Variants in CERKL observed in about 807,000 individuals in gnomAD.
The protein encoded by CERKL is ceramide kinase-like protein.
In CERKL, 61 loss-of-function variants were observed where a neutral mutation model predicts 63.4. That is an observed-to-expected ratio of 0.96 (90% CI 0.78 to 1.19). The LOEUF (loss-of-function observed/expected upper bound fraction) is 1.19, where lower values mean the gene tolerates loss of function less well. Ranked by LOEUF, CERKL falls within the 50% of genes most tolerant of loss-of-function variation. CERKL has a pLI of 0.00. For missense variants in CERKL, 675 were observed against 655.5 expected (o/e 1.03, Z -0.33); for synonymous variants, 250 against 230.5 (o/e 1.08, Z -0.77).
intron 1 of CERKL, among the ~76,000 whole-genome samples, chr2:181,642,766 T>C (rs986147946): frequency 6.6e-6 from 1 of 152,232 alleles, no homozygotes; most frequent in Non-Finnish European, 1.5e-5. Flanking sequence ...ACATACTATT[T>C]GAATGCTAAT....
At chr2:181,597,555 A>G (rs1304964042) in intron 2 of CERKL, among the ~76,000 whole-genome samples, 1 of 152,198 alleles carries the variant, frequency 6.6e-6, no homozygotes, top group African/African-American at 2.4e-5. Flanking sequence ...TCTGGCAGAG[A>G]TCAACCCCCA....
chr2:181,622,216 C>T (rs951193499), intron 1 of CERKL, among the ~76,000 whole-genome samples: 8 of 152,166 alleles, frequency 5.3e-5, no homozygotes, highest in African/African-American at 1.9e-4. Context: ...AAACACAAAT[C>T]TACACTAAAG....
chr2:181,572,844 T>C lies in CERKL; in HGVS notation c.613+909A>G, dbSNP rs1242741479. Among the ~76,000 whole-genome samples, 3 of 149,542 alleles carry C rather than the reference T, an allele frequency of 2.0e-5. No individual in the cohort carries two copies. The Admixed American group carries it at 2.0e-4, about 10-fold the overall frequency. On this transcript the variant is annotated intron_variant, in intron 3 of 12. Coordinates refer to ENST00000410087, the MANE Select transcript of CERKL (RefSeq NM_201548.5). Reference sequence around the variant, plus strand: ...TCAGATCACTAGGTGTAGGTTTCAATGATATTATTAACATCTTGAAACTTA... The same window carrying C: ...TCAGATCACTAGGTGTAGGTTTCAACGATATTATTAACATCTTGAAACTTA...
intron 1 of CERKL, among the ~76,000 whole-genome samples, chr2:181,633,053 G>C (rs1687032669): frequency 6.6e-6 from 1 of 152,142 alleles, no homozygotes; most frequent in Non-Finnish European, 1.5e-5. Context: ...TAGACACTCA[G>C]CATAGCCACG....
intron 1 of CERKL, among the ~76,000 whole-genome samples, chr2:181,634,500 T>C (rs1056264960): frequency 8.5e-5 from 13 of 152,090 alleles, no homozygotes; most frequent in Non-Finnish European, 1.3e-4. Flanking sequence ...GAAAAAAATT[T>C]TTTCCAGTGC....
At chr2:181,588,989 G>T (rs1684878829) in intron 2 of CERKL, among the ~76,000 whole-genome samples, 1 of 152,076 alleles carries the variant, frequency 6.6e-6, no homozygotes, top group South Asian at 2.1e-4. Context: ...TTAACCCTCT[G>T]TCAGATGTGT....
chr2:181,542,758 T>C (rs1045430135), intron 11 of CERKL, among the ~76,000 whole-genome samples: 7 of 152,190 alleles, frequency 4.6e-5, no homozygotes, highest in African/African-American at 1.4e-4. Flanking sequence ...GTAGAGTACA[T>C]GAGAAAATAT....
chr2:181,556,472 C>A (rs1688210875), intron 5 of CERKL, among the ~76,000 whole-genome samples: 1 of 152,018 alleles, frequency 6.6e-6, no homozygotes, highest in African/African-American at 2.4e-5. Context: ...CATTTCCCAC[C>A]TATGAGTGAG....
At chr2:181,566,640 A>C (rs1465087940) in intron 3 of CERKL, among the ~76,000 whole-genome samples, 1 of 152,168 alleles carries the variant, frequency 6.6e-6, no homozygotes, top group Non-Finnish European at 1.5e-5. Context: ...AGTAAAGCCA[A>C]CACCAATTAT....
At position 181,653,810 on chromosome 2, in the gene CERKL, T is replaced by A. The variant is rs892374125; in HGVS notation, c.238+2959A>T. On this transcript the variant is annotated intron_variant, in intron 1 of 12. Transcript: ENST00000410087. ...CAAAAGACACAAAGTTACAACTAGG[T>A]AGGAAGAATAAATTCTGGTGTTTTG... 2.0e-5 allele frequency among the ~76,000 whole-genome samples: 3 copies of A among 152,084 alleles called. 1 individual carries two copies. The highest frequency in any genetic ancestry group is 6.5e-5 in the Admixed American group (1 of 15,270).
chr2:181,555,002 G>T (rs993399292), intron 5 of CERKL, among the ~76,000 whole-genome samples: 9 of 152,052 alleles, frequency 5.9e-5, no homozygotes, highest in South Asian at 2.1e-4. Flanking sequence ...GGTTAAAATG[G>T]CATTACTACA....
At chr2:181,556,180 A>G (rs993954950) in intron 5 of CERKL, among the ~76,000 whole-genome samples, 1 of 152,034 alleles carries the variant, frequency 6.6e-6, no homozygotes, top group Admixed American at 6.6e-5. Context: ...GCTATTGAGT[A>G]CCTCAAGTAA....
At chr2:181,634,190 A>G (rs56841243) in intron 1 of CERKL, among the ~76,000 whole-genome samples, 1 of 152,192 alleles carries the variant, frequency 6.6e-6, no homozygotes, top group Non-Finnish European at 1.5e-5. Context: ...AGAAAGGAAT[A>G]CAACTCAAAT....
At chr2:181,630,385 A>C (rs1448212767) in intron 1 of CERKL, among the ~76,000 whole-genome samples, 1 of 152,182 alleles carries the variant, frequency 6.6e-6, no homozygotes, top group Non-Finnish European at 1.5e-5. Flanking sequence ...TAGGTAAAGG[A>C]AAACTATAGC....
intron 2 of CERKL, among the ~76,000 whole-genome samples, chr2:181,592,132 CCTT>C (rs1458412754): frequency 6.6e-6 from 1 of 152,150 alleles, no homozygotes; most frequent in African/African-American, 2.4e-5. Context: ...CCTCCCTACA[CCTT>C]CTCCTTTATT....
intron 1 of CERKL, among the ~76,000 whole-genome samples, chr2:181,611,412 G>A (rs1309179796): frequency 6.6e-6 from 1 of 151,964 alleles, no homozygotes; most frequent in Non-Finnish European, 1.5e-5. Flanking sequence ...TGATTGCAGT[G>A]TTTTGGGAGG....
chr2:181,596,071 T>C lies in CERKL; in HGVS notation c.481+7766A>G, dbSNP rs72885340. On this transcript the variant is annotated intron_variant, in intron 2 of 12. Transcript: ENST00000410087. ...TTTAGAGAATCTTCAATTAGCATTT[T>C]GAATATAATCACATAAGATCTGACA... 4.6e-3 allele frequency among the ~76,000 whole-genome samples: 702 copies of C among 152,346 alleles called. 4 individuals are homozygous for C. Among genetic ancestry groups the C allele is most frequent in the Non-Finnish European group, 7.2e-3 (487 of 68,028 alleles).
chr2:181,630,160 C>G (rs2105476685), intron 1 of CERKL, among the ~76,000 whole-genome samples: 1 of 152,168 alleles, frequency 6.6e-6, no homozygotes, highest in East Asian at 1.9e-4. Flanking sequence ...GCCTCACCCT[C>G]TTGAGTAGGT....
intron 1 of CERKL, among the ~76,000 whole-genome samples, chr2:181,626,019 T>TCCC (rs1300059445): frequency 5.3e-5 from 8 of 152,074 alleles, no homozygotes; most frequent in African/African-American, 1.9e-4. Flanking sequence ...ATTATTATGA[T>TCCC]CCCATTTTAC....
Sources: gnomAD v4.1 joint callset for allele counts (sites outside exome capture counted in the v4.1 genomes callset) on GRCh38, gnomAD v4.1.1 for gene constraint, MANE v1.5 for transcripts, NCBI Gene and HGNC (gene_info 2026-07-23, HGNC 2026-07-21) for gene names.